Variants in MAP7 observed in about 807,000 individuals in gnomAD.
MAP7 encodes the protein ensconsin.
In MAP7, 52 loss-of-function variants were observed where a neutral mutation model predicts 94.8. The ratio of observed to expected loss-of-function variants is 0.55; its 90% CI spans 0.44 to 0.69. The LOEUF (loss-of-function observed/expected upper bound fraction) is 0.69, where lower values mean the gene tolerates loss of function less well. Among genes scored for constraint, MAP7 ranks in the 30% least tolerant of loss-of-function variants. The pLI is 0.00. For missense variants in MAP7, 940 were observed against 964.6 expected (o/e 0.97, Z 0.34); for synonymous variants, 350 against 357.0 (o/e 0.98, Z 0.22).
intron 1 of MAP7, among the ~76,000 whole-genome samples, chr6:136,483,129 C>CAAAAAAAAA (rs57320038): frequency 6.0e-5 from 5 of 83,128 alleles, no homozygotes; most frequent in African/African-American, 1.8e-4. Context: ...AAGTATCTTT[C>CAAAAAAAAA]AAAAAAAAAA....
chr6:136,465,277 C>G (rs182802143), intron 1 of MAP7, among the ~76,000 whole-genome samples: 2 of 152,276 alleles, frequency 1.3e-5, no homozygotes, highest in Admixed American at 1.3e-4. Context: ...GACCAATTAT[C>G]TGGATTTTTA....
intron 1 of MAP7, among the ~76,000 whole-genome samples, chr6:136,532,623 A>AT (rs59064974): frequency 0.25 from 36,502 of 146,844 alleles, 5,488 homozygotes; most frequent in African/African-American, 0.44. Flanking sequence ...TACAGGTTGA[A>AT]TTTTTTTTTT....
chr6:136,384,381 C>T (rs1778603219), intron 5 of MAP7, among the ~76,000 whole-genome samples: 1 of 152,054 alleles, frequency 6.6e-6, no homozygotes, highest in African/African-American at 2.4e-5. Flanking sequence ...TATTAAAAAT[C>T]TAAGAGCCAC....
At chr6:136,426,457 C>A (rs921697186) in intron 1 of MAP7, among the ~76,000 whole-genome samples, 3 of 152,112 alleles carry the variant, frequency 2.0e-5, no homozygotes, top group Non-Finnish European at 4.4e-5. Context: ...CAACAATAGA[C>A]CGATTCAATT....
At chr6:136,482,178 G>A (rs1813047237) in intron 1 of MAP7, among the ~76,000 whole-genome samples, 1 of 152,170 alleles carries the variant, frequency 6.6e-6, no homozygotes, top group East Asian at 1.9e-4. Flanking sequence ...TTGCTGGTGG[G>A]CATGTAAATT....
intron 1 of MAP7, among the ~76,000 whole-genome samples, chr6:136,450,645 A>G (rs1800811280): frequency 6.6e-6 from 1 of 152,018 alleles, no homozygotes; most frequent in East Asian, 1.9e-4. Flanking sequence ...TTAGCCAGGC[A>G]TGGTGGCTCA....
intron 1 of MAP7, among the ~76,000 whole-genome samples, chr6:136,456,027 C>T (rs1222051353): frequency 6.6e-6 from 1 of 152,186 alleles, no homozygotes; most frequent in Non-Finnish European, 1.5e-5. Flanking sequence ...AACTTGCTTA[C>T]CCAGCCACAA....
chr6:136,391,067 A>G (rs550013887), intron 3 of MAP7, among the ~76,000 whole-genome samples: 33 of 152,342 alleles, frequency 2.2e-4, no homozygotes, highest in African/African-American at 7.9e-4. Context: ...AGCTCAAGTT[A>G]AAAATTCACT....
intron 3 of MAP7, among the ~76,000 whole-genome samples, chr6:136,398,851 C>T (rs1346341181): frequency 6.6e-6 from 1 of 152,180 alleles, no homozygotes; most frequent in Non-Finnish European, 1.5e-5. Context: ...ACAGTGAACT[C>T]AGTGCACTCA....
intron 15 of MAP7, among the ~76,000 whole-genome samples, chr6:136,358,454 T>C (rs1791595991): frequency 6.6e-6 from 1 of 152,214 alleles, no homozygotes. Context: ...TATACAACCA[T>C]TAAGACTATT....
At chr6:136,526,114 A>G in intron 1 of MAP7, 1 of 1,354,836 alleles carries the variant, frequency 7.4e-7, no homozygotes, top group Middle Eastern at 2.8e-4. Flanking sequence ...ACAGTTTGCA[A>G]ACAGCTGACA....
At chr6:136,370,905 CTTTTT>C (rs67002671) in intron 8 of MAP7, among the ~76,000 whole-genome samples, 1 of 149,222 alleles carries the variant, frequency 6.7e-6, no homozygotes. Flanking sequence ...ACGTTACATG[CTTTTT>C]TTTTTTTTTA....
intron 1 of MAP7, among the ~76,000 whole-genome samples, chr6:136,502,444 G>A (rs1038773045): frequency 2.0e-5 from 3 of 152,194 alleles, no homozygotes; most frequent in African/African-American, 7.2e-5. Flanking sequence ...CTCTTTTGTT[G>A]GCACAGTCAT....
rs755861106 is a variant in MAP7, at chr6:136,389,380, G to A, written c.382C>T (p.Arg128Trp). 1.8e-5 allele frequency: 28 copies of A among 1,558,738 alleles called. No individual in the cohort carries two copies. The highest frequency in any genetic ancestry group is 3.7e-5 in the South Asian group (3 of 81,510). The change falls in exon 4 of 18, where the codon CGG becomes TGG. Residue 128 changes from arginine (R) to tryptophan (W), a missense_variant. Transcript: ENST00000354570. ...TTGTCCTCCTCAAGTCTCTGCCTCC[G>A]CTTCTCCTCCACAGCAGCCCTCCTC... is the stretch of plus-strand genomic sequence containing the variant. ...ERRRAAVEEK[R>W]RQRLEEDKER...
intron 10 of MAP7, 52 bp from the exon 11 acceptor site, chr6:136,362,754 CA>C (rs1793213986): frequency 6.6e-7 from 1 of 1,508,966 alleles, no homozygotes; most frequent in Admixed American, 2.2e-5. Context: ...ATCCAAAGAA[CA>C]AAACCAAAAC....
At chr6:136,522,717 C>T (rs758195555) in intron 1 of MAP7, among the ~76,000 whole-genome samples, 1 of 152,122 alleles carries the variant, frequency 6.6e-6, no homozygotes, top group Non-Finnish European at 1.5e-5. Context: ...TGCTATGATG[C>T]TTTGGGAATA....
chr6:136,433,388 T>G (rs1415902820), intron 1 of MAP7, among the ~76,000 whole-genome samples: 1 of 152,096 alleles, frequency 6.6e-6, no homozygotes, highest in South Asian at 2.1e-4. Context: ...ATTATTTACC[T>G]TCTTCTGTCA....
At chr6:136,468,272 G>C (rs1427121104) in intron 1 of MAP7, among the ~76,000 whole-genome samples, 1 of 152,080 alleles carries the variant, frequency 6.6e-6, no homozygotes, top group Non-Finnish European at 1.5e-5. Context: ...GGTGGCAGCT[G>C]AAATTTATTG....
At chr6:136,368,508 G>T (rs1217852139) in intron 8 of MAP7, among the ~76,000 whole-genome samples, 1 of 152,154 alleles carries the variant, frequency 6.6e-6, no homozygotes, top group African/African-American at 2.4e-5. Flanking sequence ...ATACTTTAAC[G>T]CAGTGCTGTT....
Sources: allele counts gnomAD v4.1 joint callset (sites outside exome capture counted in the v4.1 genomes callset), GRCh38; gene constraint gnomAD v4.1.1; transcripts MANE v1.5; gene names NCBI Gene and HGNC (gene_info 2026-07-23, HGNC 2026-07-21).